The following PAPSS1 variants were observed in gnomAD, a reference collection of about 807,000 sequenced individuals.
The protein encoded by PAPSS1 is 3'-phosphoadenosine 5'-phosphosulfate synthase 1, also known as bifunctional 3'-phosphoadenosine 5'-phosphosulfate synthase 1.
PAPSS1 carries 50 observed loss-of-function variants against 72.0 expected under a neutral mutation model. That is an observed-to-expected ratio of 0.69 (90% CI 0.55 to 0.88). PAPSS1 has a LOEUF of 0.88. Among genes scored for constraint, PAPSS1 ranks in the 40% least tolerant of loss-of-function variants. The pLI is 0.00. For missense variants in PAPSS1, 657 were observed against 782.2 expected (o/e 0.84, Z 1.91); for synonymous variants, 261 against 263.6 (o/e 0.99, Z 0.09).
intron 11 of PAPSS1, among the ~76,000 whole-genome samples, chr4:107,623,907 A>T (rs561063029): frequency 6.6e-6 from 1 of 152,224 alleles, no homozygotes; most frequent in Non-Finnish European, 1.5e-5. Flanking sequence ...TTTTATGAAA[A>T]TGTTTCATTT....
chr4:107,719,819 G>A, intron 1 of PAPSS1: 1 of 1,262,998 alleles, frequency 7.9e-7, no homozygotes, highest in South Asian at 2.0e-5. Flanking sequence ...GTTCACGGGT[G>A]AAGGATTTTC....
intron 1 of PAPSS1, among the ~76,000 whole-genome samples, chr4:107,705,644 C>G (rs1387461482): frequency 6.6e-6 from 1 of 152,226 alleles, no homozygotes; most frequent in East Asian, 1.9e-4. Context: ...GTGAAGACAT[C>G]CCTTAACAAA....
chr4:107,698,972 A>G (rs1209666720), intron 2 of PAPSS1, among the ~76,000 whole-genome samples: 1 of 152,108 alleles, frequency 6.6e-6, no homozygotes, highest in Non-Finnish European at 1.5e-5. Context: ...AGCCAATTCT[A>G]GCCATCCCGT....
At position 107,635,945 on chromosome 4, in the gene PAPSS1, T is replaced by A. The variant is rs925234025; in HGVS notation, c.1507-4085A>T. On this transcript the variant is annotated intron_variant, in intron 10 of 11. Coordinates refer to ENST00000265174, the MANE Select transcript of PAPSS1 (RefSeq NM_005443.5). ...CTTAGTAAGTGTGCTTCTCTGTTTA[T>A]CTTGTCAGTCACAAACTTTCAAGCT... Among the ~76,000 whole-genome samples, 10 of 152,350 alleles carry A rather than the reference T, an allele frequency of 6.6e-5. No homozygotes were observed. The East Asian group carries it at 1.5e-3, about 23-fold the overall frequency.
At chr4:107,696,226 T>C (rs1425684757) in intron 2 of PAPSS1, among the ~76,000 whole-genome samples, 2 of 152,214 alleles carry the variant, frequency 1.3e-5, no homozygotes, top group East Asian at 3.8e-4. Flanking sequence ...TTATTGGGTA[T>C]ATACCCAAAG....
chr4:107,666,281 A>G (rs1033392039), intron 5 of PAPSS1, among the ~76,000 whole-genome samples: 2 of 152,210 alleles, frequency 1.3e-5, no homozygotes, highest in Non-Finnish European at 2.9e-5. Flanking sequence ...GATTAAAACC[A>G]GCAGCAAGAA....
At chr4:107,637,485 C>A (rs1159628215) in intron 10 of PAPSS1, among the ~76,000 whole-genome samples, 1 of 152,146 alleles carries the variant, frequency 6.6e-6, no homozygotes. Context: ...TCTCCCCACA[C>A]CTGACGGTTG....
intron 1 of PAPSS1, among the ~76,000 whole-genome samples, chr4:107,715,209 T>G (rs1723602921): frequency 6.6e-6 from 1 of 152,200 alleles, no homozygotes; most frequent in Non-Finnish European, 1.5e-5. Flanking sequence ...TTTCTTAATG[T>G]TCATTAAATT....
At chr4:107,626,177 CAAAA>C (rs11395725) in intron 11 of PAPSS1, among the ~76,000 whole-genome samples, 2 of 97,644 alleles carry the variant, frequency 2.0e-5, no homozygotes, top group Non-Finnish European at 2.0e-5. Context: ...GACTCTGTCT[CAAAA>C]AAAAAAAAAA....
intron 11 of PAPSS1, among the ~76,000 whole-genome samples, chr4:107,630,382 G>T (rs1303480194): frequency 6.6e-6 from 1 of 152,162 alleles, no homozygotes; most frequent in Non-Finnish European, 1.5e-5. Flanking sequence ...AAGGTGATTA[G>T]ATCATGGGTG....
intron 2 of PAPSS1, 134 bp downstream of exon 2, chr4:107,701,037 A>C: frequency 2.2e-6 from 1 of 449,352 alleles, no homozygotes; most frequent in Non-Finnish European, 3.9e-6. Flanking sequence ...ATTATTAAGC[A>C]ACTATGTCAG....
intron 5 of PAPSS1, 115 bp from the exon 6 acceptor site, chr4:107,660,187 A>C (rs1727140556): frequency 2.0e-5 from 12 of 589,250 alleles, no homozygotes; most frequent in Middle Eastern, 4.5e-4. Flanking sequence ...GCATAAAAGA[A>C]GGCTGTGAGT....
At chr4:107,651,688 AC>A (rs956617013) in intron 9 of PAPSS1, among the ~76,000 whole-genome samples, 2 of 152,060 alleles carry the variant, frequency 1.3e-5, no homozygotes, top group Admixed American at 1.3e-4. Context: ...GGGGGAAGCC[AC>A]CCCCATGATT....
At chr4:107,684,206 G>C (rs924917730) in intron 4 of PAPSS1, among the ~76,000 whole-genome samples, 2 of 152,064 alleles carry the variant, frequency 1.3e-5, no homozygotes, top group Admixed American at 1.3e-4. Context: ...AGAAAGCTGA[G>C]GACTAAACTC....
chr4:107,631,666 C>A lies in PAPSS1; in HGVS notation c.1701G>T (p.Lys567Asn). Residue 567 changes from lysine (K) to asparagine (N), a missense_variant, in exon 11 of 12, where the codon AAG becomes AAT. By Grantham distance (94) the Lys-to-Asn change is moderately conservative (BLOSUM62 0). Coordinates refer to ENST00000265174, the MANE Select transcript of PAPSS1 (RefSeq NM_005443.5). ...IVPFRVAAYNKKKKRMDYYDS... is the reference protein window; with the variant it reads ...IVPFRVAAYNNKKKRMDYYDS... ...CATAGTAGTCCATACGCTTCTTTTT[C>A]TTGTTGTAAGCTGCAACTCGAAAGG... is the stretch of plus-strand genomic sequence containing the variant. The A allele has an allele frequency of 6.2e-7, 1 of 1,613,950 alleles. No individual in the cohort carries two copies. Among genetic ancestry groups the A allele is most frequent in the Non-Finnish European group, 8.5e-7 (1 of 1,179,902 alleles).
rs1334363744 is a variant in PAPSS1 at position 107,706,211 on chromosome 4, G to A, written c.61-4926C>T. Among the ~76,000 whole-genome samples the A allele has an allele frequency of 4.6e-5, 7 of 152,090 alleles. 1 individual carries two copies. Among genetic ancestry groups the A allele is most frequent in the Non-Finnish European group, 8.8e-5 (6 of 68,000 alleles). On this transcript the variant is annotated intron_variant, in intron 1 of 11. Transcript: ENST00000265174. ...CCCCAGATTTGGAAAGTTTTCTGTT[G>A]TTATTTAAATAAGCTTTGTAACCCT...
intron 3 of PAPSS1, among the ~76,000 whole-genome samples, chr4:107,689,388 G>A (rs1050933376): frequency 1.3e-5 from 2 of 152,048 alleles, no homozygotes; most frequent in Non-Finnish European, 2.9e-5. Context: ...CCTCTCTTCT[G>A]GACAAACCAA....
At position 107,653,631 on chromosome 4, in the gene PAPSS1, T is replaced by G. The variant is rs747667547; in HGVS notation, c.1102-5A>C. ...ATCTCCTTGTTCCATCACCATCTAATAGGAAAAACAAATTTTTTTAATGGA... is the reference window on the plus strand; with the variant it reads ...ATCTCCTTGTTCCATCACCATCTAAGAGGAAAAACAAATTTTTTTAATGGA... On this transcript the variant is annotated splice_polypyrimidine_tract_variant and splice_region_variant and intron_variant, in intron 8 of 11. Transcript: ENST00000265174. 17 of 1,607,180 alleles carry G rather than the reference T, an allele frequency of 1.1e-5. No homozygotes were observed. Among genetic ancestry groups the G allele is most frequent in the Non-Finnish European group, 1.4e-5 (16 of 1,177,988 alleles).
chr4:107,713,229 C>G (rs1279284071), intron 1 of PAPSS1, among the ~76,000 whole-genome samples: 3 of 152,050 alleles, frequency 2.0e-5, no homozygotes, highest in African/African-American at 7.2e-5. Flanking sequence ...AAGCCAGATA[C>G]AAAAAGCCAT....
Sources: allele counts gnomAD v4.1 joint callset (sites outside exome capture counted in the v4.1 genomes callset), GRCh38; gene constraint gnomAD v4.1.1; transcripts MANE v1.5; gene names NCBI Gene and HGNC (gene_info 2026-07-23, HGNC 2026-07-21).